Variants in EIF4EBP2 observed in about 807,000 individuals in gnomAD.
EIF4EBP2 encodes the protein eukaryotic translation initiation factor 4E binding protein 2, also known as eukaryotic translation initiation factor 4E-binding protein 2.
In EIF4EBP2, 5 loss-of-function variants were observed where a neutral mutation model predicts 10.3. The ratio of observed to expected loss-of-function variants is 0.48; its 90% CI spans 0.25 to 1.02. EIF4EBP2 has a LOEUF of 1.02. Among genes scored for constraint, EIF4EBP2 ranks in the 50% least tolerant of loss-of-function variants. The pLI, the probability that EIF4EBP2 is intolerant of heterozygous loss-of-function variation, is 0.15. For missense variants in EIF4EBP2, 188 were observed against 162.2 expected, an observed-to-expected ratio of 1.16 and a Z score of -0.86; for synonymous variants, 67 against 61.1, an observed-to-expected ratio of 1.10 and a Z score of -0.45.
At chr10:70,411,184 T>C (rs1845040132) in intron 1 of EIF4EBP2, among the ~76,000 whole-genome samples, 1 of 152,190 alleles carries the variant, frequency 6.6e-6, no homozygotes, top group African/African-American at 2.4e-5. Flanking sequence ...TTTTTCATCT[T>C]CCTAAACTGA....
chr10:70,415,510 GACTTAC>G (rs1564662131), intron 1 of EIF4EBP2, among the ~76,000 whole-genome samples: 1 of 152,148 alleles, frequency 6.6e-6, no homozygotes, highest in Non-Finnish European at 1.5e-5. Context: ...TAAGTTGGAG[GACTTAC>G]ACTTTGTGGT....
At position 70,422,276 on chromosome 10, in the gene EIF4EBP2, A is replaced by T. The variant is rs1209618855; in HGVS notation, c.*529A>T. On this transcript the variant is annotated 3_prime_UTR_variant, in exon 3 of 3. Coordinates refer to ENST00000373218, the MANE Select transcript of EIF4EBP2 (RefSeq NM_004096.5). ...TTTAAAACCAGCAGGGGGAAATGAT[A>T]AAAAGAGAGCTGCTTTCCCTTTTAC... 5 of 152,926 alleles carry T rather than the reference A, an allele frequency of 3.3e-5. No homozygotes were observed. The highest frequency in any genetic ancestry group is 5.8e-5 in the Non-Finnish European group (4 of 68,558). The allele number at this position is 152,926 out of a possible 1,614,324, so 9.5% of individuals were successfully genotyped here.
chr10:70,406,175 T>C (rs1486414758), intron 1 of EIF4EBP2, among the ~76,000 whole-genome samples: 4 of 152,082 alleles, frequency 2.6e-5, no homozygotes, highest in African/African-American at 9.7e-5. Context: ...AGAGTCTGGG[T>C]TTCTCCATGT....
intron 1 of EIF4EBP2, among the ~76,000 whole-genome samples, chr10:70,406,066 C>G (rs1844961801): frequency 6.6e-6 from 1 of 152,180 alleles, no homozygotes; most frequent in Admixed American, 6.5e-5. Context: ...ACTGCACTCT[C>G]TACTTCCTGG....
chr10:70,406,770 T>A (rs1047040905), intron 1 of EIF4EBP2, among the ~76,000 whole-genome samples: 1 of 152,218 alleles, frequency 6.6e-6, no homozygotes, highest in African/African-American at 2.4e-5. Context: ...TCACTTAACT[T>A]CCCCCGACAT....
chr10:70,415,548 A>C (rs1486126654), intron 1 of EIF4EBP2, among the ~76,000 whole-genome samples: 1 of 152,248 alleles, frequency 6.6e-6, no homozygotes, highest in Admixed American at 6.5e-5. Context: ...TTACAAGTCA[A>C]GACAGTGGGG....
At chr10:70,420,377 T>G (rs1845143392) in intron 2 of EIF4EBP2, among the ~76,000 whole-genome samples, 1 of 152,028 alleles carries the variant, frequency 6.6e-6, no homozygotes, top group Non-Finnish European at 1.5e-5. Context: ...TTTTTGTATT[T>G]TTTAGTAGAG....
chr10:70,406,109 G>A (rs1446989126), intron 1 of EIF4EBP2, among the ~76,000 whole-genome samples: 1 of 152,116 alleles, frequency 6.6e-6, no homozygotes, highest in East Asian at 1.9e-4. Flanking sequence ...AGCCTCCTGA[G>A]TAGCTGGACC....
Position 70,421,741 on chromosome 10 carries a change from C to T in EIF4EBP2, c.357C>T (p.Asp119=), listed in dbSNP as rs1845159385. The change falls in exon 3 of 3, where the codon GAC becomes GAT. Residue 119 remains aspartate (D), a synonymous_variant. Coordinates refer to ENST00000373218, the MANE Select transcript of EIF4EBP2 (RefSeq NM_004096.5). Reference sequence around the variant, plus strand: ...GGGATGATGCTCAGTTCGAGATGGACATCTGACTCTCCTGCAAGGATTAGA... The same window carrying T: ...GGGATGATGCTCAGTTCGAGATGGATATCTGACTCTCCTGCAAGGATTAGA... ...AVGDDAQFEM[D]I 3 of 1,613,062 alleles carry T rather than the reference C, an allele frequency of 1.9e-6. No homozygotes were observed. In the African/African-American group the frequency reaches 4.0e-5, roughly 22 times the overall value.
intron 1 of EIF4EBP2, among the ~76,000 whole-genome samples, chr10:70,412,698 A>G (rs533396747): frequency 3.3e-5 from 5 of 152,142 alleles, no homozygotes; most frequent in Admixed American, 6.5e-5. Context: ...TCAAAGGTAG[A>G]TAGGGTTTTT....
At chr10:70,406,217 G>T (rs1380637678) in intron 1 of EIF4EBP2, among the ~76,000 whole-genome samples, 1 of 152,068 alleles carries the variant, frequency 6.6e-6, no homozygotes, top group Non-Finnish European at 1.5e-5. Flanking sequence ...CAAGTTATTC[G>T]CCCCGTCAGC....
Position 70,404,429 on chromosome 10 carries a change from C to A in EIF4EBP2, c.28C>A (p.Gln10Lys). Residue 10 changes from glutamine (Q) to lysine (K), a missense_variant, in exon 1 of 3, where the codon CAG becomes AAG. Physicochemically the swap from Gln to Lys is moderately conservative, Grantham distance 53. Transcript: ENST00000373218. The part of the protein sequence containing the change: MSSSAGSGH[Q>K]PSQSRAIPTR... ...GTCCTCGTCAGCCGGCAGCGGCCAC[C>A]AGCCCAGCCAGAGCCGCGCCATCCC... is the stretch of plus-strand genomic sequence containing the variant. 1.3e-6 allele frequency: 2 copies of A among 1,591,546 alleles called. No individual in the cohort carries two copies. Among genetic ancestry groups the A allele is most frequent in the Non-Finnish European group, 8.5e-7 (1 of 1,172,070 alleles).
At chr10:70,404,605 C>T (rs1844949074) in intron 1 of EIF4EBP2, 59 bp downstream of exon 1, 5 of 1,456,672 alleles carry the variant, frequency 3.4e-6, no homozygotes, top group South Asian at 1.4e-5. Context: ...TCTAACTCCT[C>T]GGCGCCTCGG....
At chr10:70,421,533 G>A (rs1845157398) in intron 2 of EIF4EBP2, among the ~76,000 whole-genome samples, 183 bp from the exon 3 acceptor site, 1 of 152,142 alleles carries the variant, frequency 6.6e-6, no homozygotes, top group African/African-American at 2.4e-5. Flanking sequence ...ATGGGTGATG[G>A]GACTGCCATT....
intron 1 of EIF4EBP2, among the ~76,000 whole-genome samples, chr10:70,411,398 T>A (rs1447763052): frequency 6.6e-6 from 1 of 151,884 alleles, no homozygotes; most frequent in Non-Finnish European, 1.5e-5. Context: ...TTTTTTTTTA[T>A]TATTATTACA....
intron 1 of EIF4EBP2, among the ~76,000 whole-genome samples, chr10:70,413,856 A>C (rs1845067603): frequency 6.6e-6 from 1 of 152,226 alleles, no homozygotes; most frequent in Non-Finnish European, 1.5e-5. Context: ...GATCACAATC[A>C]TGCCCCATTT....
At chr10:70,419,064 G>T (rs57326535) in intron 1 of EIF4EBP2, among the ~76,000 whole-genome samples, 2,448 of 152,282 alleles carry the variant, frequency 0.016, 70 homozygotes, top group African/African-American at 0.056. Context: ...CAGTCCTCCT[G>T]CCTTGGACTC....
At chr10:70,409,759 C>T (rs1394608417) in intron 1 of EIF4EBP2, among the ~76,000 whole-genome samples, 3 of 152,218 alleles carry the variant, frequency 2.0e-5, no homozygotes, top group African/African-American at 7.2e-5. Flanking sequence ...AACAGAGACA[C>T]CTCTTTTACC....
chr10:70,421,666 A>G, intron 2 of EIF4EBP2, 50 bp from the exon 3 acceptor site: 5 of 1,548,380 alleles, frequency 3.2e-6, no homozygotes, highest in Non-Finnish European at 4.5e-6. Flanking sequence ...TAAAACTGTT[A>G]TGCTTCTTTG....
Sources: gnomAD v4.1 joint callset for allele counts (sites outside exome capture counted in the v4.1 genomes callset) on GRCh38, gnomAD v4.1.1 for gene constraint, MANE v1.5 for transcripts, NCBI Gene and HGNC (gene_info 2026-07-23, HGNC 2026-07-21) for gene names.